PLCL2: variants seen among roughly 807,000 people sequenced by gnomAD.
PLCL2 encodes inactive phospholipase C-like protein 2.
In PLCL2, 4 loss-of-function variants were observed where a neutral mutation model predicts 79.6. That is an observed-to-expected ratio of 0.05 (90% confidence interval 0.02 to 0.11). The LOEUF (loss-of-function observed/expected upper bound fraction) is 0.11, where lower values mean the gene tolerates loss of function less well. Among genes scored for constraint, PLCL2 ranks in the 10% least tolerant of loss-of-function variants. PLCL2 has a pLI of 1.00. For missense variants in PLCL2, 895 were observed against 1,291.0 expected, an observed-to-expected ratio of 0.69 and a Z score of 4.70; for synonymous variants, 484 against 457.7, an observed-to-expected ratio of 1.06 and a Z score of -0.73.
intron 3 of PLCL2, among the ~76,000 whole-genome samples, chr3:17,026,770 G>C (rs920325618): frequency 3.9e-5 from 6 of 152,092 alleles, no homozygotes; most frequent in African/African-American, 1.4e-4. Flanking sequence ...AGGAGGCTGA[G>C]GTGGGAGGAT....
In PLCL2 at chr3:16,983,052, A is replaced by G. The variant is rs1032512440; in HGVS notation, c.328-26622A>G. 2.0e-5 allele frequency among the ~76,000 whole-genome samples: 3 copies of G among 152,234 alleles called. 1 individual carries two copies. Among genetic ancestry groups the G allele is most frequent in the Non-Finnish European group, 4.4e-5 (3 of 68,048 alleles). On this transcript the variant is annotated intron_variant, in intron 1 of 5. Coordinates refer to ENST00000615277, the MANE Select transcript of PLCL2 (RefSeq NM_001144382.2). ...TTTAAGTTTTTATATTAATTTAAAC[A>G]TGATATAAAGTATATACTAAATAAC...
chr3:17,048,885 G>A (rs955633770), intron 4 of PLCL2, among the ~76,000 whole-genome samples: 1 of 152,208 alleles, frequency 6.6e-6, no homozygotes, highest in Non-Finnish European at 1.5e-5. Context: ...TGGTGATACT[G>A]TAAGTGCTCC....
intron 1 of PLCL2, among the ~76,000 whole-genome samples, chr3:16,932,850 G>T (rs1697440002): frequency 6.6e-6 from 1 of 152,220 alleles, no homozygotes; most frequent in Non-Finnish European, 1.5e-5. Flanking sequence ...CATGATGGCT[G>T]TTCCAAGTCA....
Position 16,963,799 on chromosome 3 carries a change from T to TC in PLCL2, c.328-45874dup, listed in dbSNP as rs942949709. Among the ~76,000 whole-genome samples the TC allele has an allele frequency of 4.6e-5, 7 of 152,106 alleles. No individual in the cohort carries two copies. In the East Asian group the frequency reaches 1.4e-3, roughly 29 times the overall value. ...GAAGGTTAAGCAATTTTTTTTTTTTTCTCAAGTCACCCTTCTCCTAAGTGG... is the reference window on the plus strand; with the variant it reads ...GAAGGTTAAGCAATTTTTTTTTTTTTCCTCAAGTCACCCTTCTCCTAAGTGG... On this transcript the variant is annotated intron_variant, in intron 1 of 5. Coordinates refer to ENST00000615277, the MANE Select transcript of PLCL2 (RefSeq NM_001144382.2).
chr3:17,024,908 G>A (rs1031514045), intron 3 of PLCL2, among the ~76,000 whole-genome samples: 3 of 152,154 alleles, frequency 2.0e-5, no homozygotes, highest in Non-Finnish European at 4.4e-5. Context: ...AAAAACAGAT[G>A]TGTTCATCTT....
At chr3:17,053,202 G>T (rs1216588399) in intron 4 of PLCL2, among the ~76,000 whole-genome samples, 1 of 152,176 alleles carries the variant, frequency 6.6e-6, no homozygotes, top group Non-Finnish European at 1.5e-5. Context: ...TGTACAGGAA[G>T]CATGATGCTG....
chr3:16,930,570 G>C (rs1697369565), intron 1 of PLCL2, among the ~76,000 whole-genome samples: 3 of 152,326 alleles, frequency 2.0e-5, no homozygotes, highest in Admixed American at 1.3e-4. Context: ...CCACAAATCA[G>C]AGTTGTTTCT....
chr3:17,039,335 G>A (rs1353540616), intron 3 of PLCL2, among the ~76,000 whole-genome samples: 1 of 152,198 alleles, frequency 6.6e-6, no homozygotes, highest in African/African-American at 2.4e-5. Context: ...AAGGCCCATC[G>A]CCTAACCTGT....
intron 2 of PLCL2, among the ~76,000 whole-genome samples, chr3:17,013,111 A>G (rs979107249): frequency 6.6e-6 from 1 of 152,220 alleles, no homozygotes; most frequent in Non-Finnish European, 1.5e-5. Flanking sequence ...TAACAGACAT[A>G]TGAAGGGCTT....
chr3:17,030,376 G>A (rs2064567647), intron 3 of PLCL2, among the ~76,000 whole-genome samples: 1 of 152,136 alleles, frequency 6.6e-6, no homozygotes, highest in African/African-American at 2.4e-5. Flanking sequence ...AAGGCTGGTT[G>A]CATATAGCTC....
intron 1 of PLCL2, chr3:16,933,009 T>C (rs1697444478): frequency 6.6e-6 from 1 of 152,532 alleles, no homozygotes; most frequent in African/African-American, 2.4e-5. Flanking sequence ...AAATTCGTAG[T>C]TTTGCTTTTC....
chr3:16,941,307 A>G (rs1697677929), intron 1 of PLCL2, among the ~76,000 whole-genome samples: 1 of 152,052 alleles, frequency 6.6e-6, no homozygotes, highest in Non-Finnish European at 1.5e-5. Flanking sequence ...TAGCCTCTTG[A>G]CCATTCTTTT....
rs150298317 is a variant in PLCL2 at position 16,913,188 on chromosome 3, T to G, written c.327+27822T>G. 4.5e-4 allele frequency among the ~76,000 whole-genome samples: 69 copies of G among 152,238 alleles called. No homozygotes were observed. In the East Asian group the frequency reaches 5.2e-3, roughly 11 times the overall value. On this transcript the variant is annotated intron_variant, in intron 1 of 5. Coordinates refer to ENST00000615277, the MANE Select transcript of PLCL2 (RefSeq NM_001144382.2). ...CTTCTGCTTCTCACCAACCTCCGTC[T>G]TGGCCAGACTGGGCCTCGCAAACTG...
intron 3 of PLCL2, chr3:17,035,755 G>A: frequency 1.9e-6 from 1 of 516,298 alleles, no homozygotes; most frequent in Non-Finnish European, 3.9e-6. Flanking sequence ...TTCTATCCAT[G>A]TTTCCTTACA....
intron 4 of PLCL2, among the ~76,000 whole-genome samples, chr3:17,050,384 A>G (rs1295624514): frequency 3.3e-5 from 5 of 152,310 alleles, no homozygotes; most frequent in East Asian, 3.9e-4. Context: ...TGGAGAAATA[A>G]CACACTGAAT....
At position 16,970,993 on chromosome 3, in the gene PLCL2, T is replaced by G. The variant is rs138735636; in HGVS notation, c.328-38681T>G. Among the ~76,000 whole-genome samples the G allele has an allele frequency of 1.2e-3, 182 of 152,070 alleles. 1 individual carries two copies. Among genetic ancestry groups the G allele is most frequent in the African/African-American group, 1.5e-3 (62 of 41,352 alleles). Reference sequence around the variant, plus strand: ...TATCAGATAAGTAGGTTGCGAAAATTTTCTCCCATTCTGTAGGTTGCCTGT... The same window carrying G: ...TATCAGATAAGTAGGTTGCGAAAATGTTCTCCCATTCTGTAGGTTGCCTGT... On this transcript the variant is annotated intron_variant, in intron 1 of 5. Coordinates refer to ENST00000615277, the MANE Select transcript of PLCL2 (RefSeq NM_001144382.2).
rs9883370 is a variant in PLCL2, at chr3:16,968,612, G to A, written c.328-41062G>A. On this transcript the variant is annotated intron_variant, in intron 1 of 5. Transcript: ENST00000615277. ...ATATAAATGCTATTTATTTTTGTAC[G>A]TTGATTTTGTATCCTGAAATTTTGC... 6.6e-3 allele frequency among the ~76,000 whole-genome samples: 1,011 copies of A among 152,034 alleles called. 9 individuals are homozygous for A. The highest frequency in any genetic ancestry group is 0.023 in the African/African-American group (957 of 41,492).
intron 3 of PLCL2, among the ~76,000 whole-genome samples, chr3:17,036,044 T>G (rs1166741140): frequency 2.0e-5 from 3 of 152,194 alleles, no homozygotes; most frequent in African/African-American, 4.8e-5. Context: ...TAGGACAAGT[T>G]ACTCTGGAAA....
At chr3:17,082,544 A>G (rs781169664) in intron 5 of PLCL2, among the ~76,000 whole-genome samples, 1 of 152,162 alleles carries the variant, frequency 6.6e-6, no homozygotes, top group South Asian at 2.1e-4. Context: ...GCAGCTCCTC[A>G]AGCCCAGATT....
Sources: gnomAD v4.1 joint callset for allele counts (sites outside exome capture counted in the v4.1 genomes callset) on GRCh38, gnomAD v4.1.1 for gene constraint, MANE v1.5 for transcripts, NCBI Gene and HGNC (gene_info 2026-07-23, HGNC 2026-07-21) for gene names.